The following GLB1L2 variants were observed in gnomAD, a reference collection of about 807,000 sequenced individuals.
The protein encoded by GLB1L2 is beta-galactosidase-1-like protein 2.
Under a neutral mutation model 84.1 loss-of-function variants are expected in GLB1L2, and 68 were observed. The observed-to-expected ratio is 0.81, with a 90% CI of 0.67 to 0.99. The LOEUF is 0.99. GLB1L2 is among the 50% of genes least tolerant of loss of function. GLB1L2 has a pLI of 0.00. For synonymous variants in GLB1L2, 290 were observed against 318.0 expected, an observed-to-expected ratio of 0.91 and a Z score of 0.94; for missense variants, 762 against 805.6, an observed-to-expected ratio of 0.95 and a Z score of 0.66.
chr11:134,336,038 C>A (rs1943381823), intron 1 of GLB1L2, among the ~76,000 whole-genome samples: 1 of 152,238 alleles, frequency 6.6e-6, no homozygotes. Flanking sequence ...AAAAAGAGTT[C>A]TCATGTGTGG....
Position 134,331,997 on chromosome 11 carries a change from C to G in GLB1L2, c.-65C>G, listed in dbSNP as rs1203269341. On this transcript the variant is annotated 5_prime_UTR_variant, in exon 1 of 19. Transcript: ENST00000535456. ...CGCGGCTCCGCCCCCCGCGGCGAGG[C>G]TCCCGCGCGCGGCTGAGTGCGGACT... 1.7e-6 allele frequency: 2 copies of G among 1,168,384 alleles called. No homozygotes were observed. Among genetic ancestry groups the G allele is most frequent in the Non-Finnish European group, 2.4e-6 (2 of 837,950 alleles). The allele number at this position is 1,168,384 out of a possible 1,614,324, so 72.4% of individuals were successfully genotyped here.
intron 2 of GLB1L2, 56 bp from the exon 3 acceptor site, chr11:134,344,331 G>T: frequency 6.3e-7 from 1 of 1,595,096 alleles, no homozygotes; most frequent in Non-Finnish European, 8.6e-7. Flanking sequence ...GGTAATGTGA[G>T]AGGTGAAATG....
At position 134,375,035 on chromosome 11, in the gene GLB1L2, G is replaced by A; in HGVS notation, c.1888G>A (p.Gly630Ser). The change falls in exon 19 of 19, where the codon GGC becomes AGC. Residue 630 changes from glycine to serine, a missense_variant. This residue lies in a region of GLB1L2 where 603 missense variants were observed against 611.7 expected (regional missense o/e 0.99). Coordinates refer to ENST00000535456, the MANE Select transcript of GLB1L2 (RefSeq NM_001370461.1). ...ALQFTETPHL[G>S]RNQYIK is the part of the protein sequence containing the mutation. ...ACAGTTCACGGAAACCCCCCACCTGGGCAGGAACCAGTACATTAAGTGAGC... is the reference window on the plus strand; with the variant it reads ...ACAGTTCACGGAAACCCCCCACCTGAGCAGGAACCAGTACATTAAGTGAGC... 6.2e-7 allele frequency: 1 copy of A among 1,613,784 alleles called. No individual in the cohort carries two copies. The highest frequency in any genetic ancestry group is 8.5e-7 in the Non-Finnish European group (1 of 1,179,950).
Position 134,343,070 on chromosome 11 carries a change from G to A in GLB1L2, c.284+119G>A, listed in dbSNP as rs116111603. ...CTCTGCCCAGGGCGAGAGAGCCAGG[G>A]TCTCCCTCCTCCTCCCCACCACAGA... is the stretch of plus-strand genomic sequence containing the variant. On this transcript the variant is annotated intron_variant, in intron 2 of 18. Coordinates refer to ENST00000535456, the MANE Select transcript of GLB1L2 (RefSeq NM_001370461.1). 1,456 of 1,003,162 alleles carry A rather than the reference G, an allele frequency of 1.5e-3. 18 individuals are homozygous for A. In the African/African-American group the frequency reaches 0.022, roughly 15 times the overall value. The allele number at this position is 1,003,162 out of a possible 1,614,324, so 62.1% of individuals were successfully genotyped here.
rs561326208 is a variant in GLB1L2, at chr11:134,371,108, C to T, written c.1316C>T (p.Ser439Leu). 9 of 1,614,220 alleles carry T rather than the reference C, an allele frequency of 5.6e-6. No individual in the cohort carries two copies. The East Asian group carries it at 1.6e-4, about 28-fold the overall frequency. The change falls in exon 13 of 19, where the codon TCG becomes TTG. Residue 439 changes from serine to leucine, a missense_variant. Transcript: ENST00000535456. ...GYILYETSIT[S>L]SGILSGHVHD... is the part of the protein sequence containing the mutation. ...ATTCTCTATGAGACCAGCATCACCTCGTCTGGCATCCTCAGTGGCCACGTG... is the reference window on the plus strand; with the variant it reads ...ATTCTCTATGAGACCAGCATCACCTTGTCTGGCATCCTCAGTGGCCACGTG...
intron 2 of GLB1L2, 55 bp downstream of exon 2, chr11:134,343,006 T>A (rs1435885712): frequency 6.5e-7 from 1 of 1,537,206 alleles, no homozygotes; most frequent in Non-Finnish European, 8.8e-7. Context: ...GCGCCTGGTG[T>A]CTGCATGCGA....
intron 9 of GLB1L2, among the ~76,000 whole-genome samples, chr11:134,368,291 T>A (rs1398501834): frequency 6.6e-6 from 1 of 152,192 alleles, no homozygotes; most frequent in Non-Finnish European, 1.5e-5. Flanking sequence ...TAAGGATGCA[T>A]CCCATCTTTG....
chr11:134,371,978 G>A (rs1351549306), intron 15 of GLB1L2, 148 bp downstream of exon 15: 1 of 706,560 alleles, frequency 1.4e-6, no homozygotes, highest in African/African-American at 1.8e-5. Flanking sequence ...CCAGTTCTGA[G>A]TGGGCCAGAG....
chr11:134,345,785 T>C (rs1943545890), intron 4 of GLB1L2, among the ~76,000 whole-genome samples: 1 of 152,144 alleles, frequency 6.6e-6, no homozygotes, highest in Admixed American at 6.5e-5. Context: ...ATCTCTTTCT[T>C]AGGAATGTTA....
rs199765061 is a variant in GLB1L2 at position 134,332,034 on chromosome 11, C to T, written c.-28C>T. On this transcript the variant is annotated 5_prime_UTR_variant, in exon 1 of 19. Coordinates refer to ENST00000535456, the MANE Select transcript of GLB1L2 (RefSeq NM_001370461.1). ...GCTGAGTGCGGACTGGAGTGGGAAC[C>T]CGGGTCCCCGCGCTTAGAGAACACG... The T allele has an allele frequency of 3.5e-5, 53 of 1,510,410 alleles. No individual in the cohort carries two copies. Among genetic ancestry groups the T allele is most frequent in the Non-Finnish European group, 4.3e-5 (48 of 1,118,466 alleles). 93.6% of individuals were successfully genotyped at this position (1,510,410 alleles called of 1,614,324 possible).
chr11:134,343,259 C>G (rs1428043362), intron 2 of GLB1L2, among the ~76,000 whole-genome samples: 1 of 152,178 alleles, frequency 6.6e-6, no homozygotes, highest in Non-Finnish European at 1.5e-5. Context: ...CTTCCCACTT[C>G]CAGTTTATAC....
rs149760904 is a variant in GLB1L2 at position 134,344,179 on chromosome 11, A to G, written c.285-208A>G. On this transcript the variant is annotated intron_variant, in intron 2 of 18. Coordinates refer to ENST00000535456, the MANE Select transcript of GLB1L2 (RefSeq NM_001370461.1). ...TTTTACTCAGCCGGTCTTATGCTTC[A>G]TCCAAATCTTGTTGATGCAGAGGGA... is the stretch of plus-strand genomic sequence containing the variant. 5.9e-5 allele frequency among the ~76,000 whole-genome samples: 9 copies of G among 152,320 alleles called. No homozygotes were observed. In the East Asian group the frequency reaches 1.7e-3, roughly 29 times the overall value.
chr11:134,363,004 G>A (rs987188024), intron 7 of GLB1L2, among the ~76,000 whole-genome samples: 20 of 152,278 alleles, frequency 1.3e-4, no homozygotes, highest in South Asian at 2.1e-4. Context: ...TCCACTCTCC[G>A]CTTGTATTTG....
At chr11:134,373,001 G>T in intron 15 of GLB1L2, among the ~76,000 whole-genome samples, 1 of 152,236 alleles carries the variant, frequency 6.6e-6, no homozygotes, top group East Asian at 1.9e-4. Flanking sequence ...CCCACACTGT[G>T]GAGTCCTGTC....
At chr11:134,355,956 A>G (rs998852935) in intron 5 of GLB1L2, 3 of 481,722 alleles carry the variant, frequency 6.2e-6, no homozygotes, top group Non-Finnish European at 8.2e-6. Context: ...TGACCACACC[A>G]TGCTACATTG....
chr11:134,345,993 T>C (rs1943548155), intron 4 of GLB1L2, among the ~76,000 whole-genome samples: 1 of 152,136 alleles, frequency 6.6e-6, no homozygotes, highest in Non-Finnish European at 1.5e-5. Context: ...ATCCTCAACA[T>C]TGTGGCCTTT....
chr11:134,333,144 C>G (rs547285464), intron 1 of GLB1L2, among the ~76,000 whole-genome samples: 4 of 152,206 alleles, frequency 2.6e-5, no homozygotes, highest in Non-Finnish European at 4.4e-5. Context: ...GAAGAACACA[C>G]TGACAAACTC....
At position 134,375,045 on chromosome 11, in the gene GLB1L2, A is replaced by G. The variant is rs983629917; in HGVS notation, c.1898A>G (p.Gln633Arg). ...GAAACCCCCCACCTGGGCAGGAACC[A>G]GTACATTAAGTGAGCGGTGGCACCC... ...FTETPHLGRN[Q>R]YIK The change falls in exon 19 of 19, where the codon CAG becomes CGG. Residue 633 changes from glutamine to arginine, a missense_variant. By Grantham distance (43) the Gln-to-Arg change is conservative (BLOSUM62 1). Coordinates refer to ENST00000535456, the MANE Select transcript of GLB1L2 (RefSeq NM_001370461.1). 1.9e-6 allele frequency: 3 copies of G among 1,613,456 alleles called. No individual in the cohort carries two copies. The highest frequency in any genetic ancestry group is 1.3e-5 in the African/African-American group (1 of 74,924).
rs572324825 is a variant in GLB1L2 at position 134,342,709 on chromosome 11, T to A, written c.87-45T>A. On this transcript the variant is annotated intron_variant, in intron 1 of 18. Transcript: ENST00000535456. The stretch of plus-strand genomic sequence containing the variant: ...GAAGGGGCGAGGAAGCCGATCTCTC[T>A]GCGGCCCGGAGCCTCCAGGCTCCAG... 5.1e-6 allele frequency: 8 copies of A among 1,576,844 alleles called. No homozygotes were observed. In the African/African-American group the frequency reaches 1.1e-4, roughly 21 times the overall value.
Sources: allele counts gnomAD v4.1 joint callset (sites outside exome capture counted in the v4.1 genomes callset), GRCh38; gene constraint gnomAD v4.1.1; regional missense constraint gnomAD v4.1.1; transcripts MANE v1.5; gene names NCBI Gene and HGNC (gene_info 2026-07-23, HGNC 2026-07-21).